Variants in XKR6 observed in about 807,000 individuals in gnomAD.
The protein encoded by XKR6 is XK-related protein 6.
A neutral mutation model predicts 56.7 loss-of-function variants in XKR6; 22 were observed. That is an observed-to-expected ratio of 0.39 (90% confidence interval 0.28 to 0.55). XKR6 has a LOEUF of 0.55. XKR6 is among the 20% of genes least tolerant of loss of function. The pLI is 0.66. For synonymous variants in XKR6, 524 were observed against 387.8 expected, an observed-to-expected ratio of 1.35 and a Z score of -4.13; for missense variants, 852 against 889.0, an observed-to-expected ratio of 0.96 and a Z score of 0.53.
At chr8:11,128,659 T>C (rs1483991547) in intron 1 of XKR6, 2 of 372,582 alleles carry the variant, frequency 5.4e-6, no homozygotes, top group South Asian at 2.0e-5. Flanking sequence ...TTGTAGAGAA[T>C]GATACACAAG....
At chr8:10,952,795 A>T (rs1396333971) in intron 1 of XKR6, among the ~76,000 whole-genome samples, 1 of 151,536 alleles carries the variant, frequency 6.6e-6, no homozygotes, top group Non-Finnish European at 1.5e-5. Context: ...AGGGCTCCCA[A>T]CCCCCGGGCC....
intron 1 of XKR6, chr8:11,114,148 A>G (rs750963106): frequency 1.2e-5 from 5 of 406,106 alleles, no homozygotes; most frequent in Admixed American, 3.5e-5. Flanking sequence ...AATCTCTAAC[A>G]TGACACTAAA....
chr8:11,015,477 C>T (rs1446768986), intron 1 of XKR6, among the ~76,000 whole-genome samples: 2 of 152,068 alleles, frequency 1.3e-5, no homozygotes, highest in Admixed American at 6.5e-5. Context: ...TAGAAACCAC[C>T]CCCCACCCCC....
chr8:10,913,506 TG>T (rs1800469114), intron 2 of XKR6, among the ~76,000 whole-genome samples: 1 of 152,164 alleles, frequency 6.6e-6, no homozygotes, highest in South Asian at 2.1e-4. Context: ...GGAGGCCATA[TG>T]CACCCCCCAG....
At chr8:11,106,895 A>G (rs1228802795) in intron 1 of XKR6, among the ~76,000 whole-genome samples, 1 of 150,312 alleles carries the variant, frequency 6.7e-6, no homozygotes, top group African/African-American at 2.5e-5. Context: ...CAAAATGTTT[A>G]CAGGCAAACC....
At chr8:11,189,286 T>C (rs1803425457) in intron 1 of XKR6, among the ~76,000 whole-genome samples, 1 of 152,218 alleles carries the variant, frequency 6.6e-6, no homozygotes, top group South Asian at 2.1e-4. Flanking sequence ...TGAGCACCAA[T>C]GGGGATCATC....
chr8:11,109,788 A>G (rs1301364402), intron 1 of XKR6: 1 of 152,058 alleles, frequency 6.6e-6, no homozygotes, highest in Non-Finnish European at 1.5e-5. Flanking sequence ...AGTGTAGCAA[A>G]TGCCTGGGCC....
At chr8:10,899,027 G>T in intron 2 of XKR6, 111 bp from the exon 3 acceptor site, 1 of 1,460,302 alleles carries the variant, frequency 6.8e-7, no homozygotes, top group Non-Finnish European at 9.1e-7. Flanking sequence ...TAAAGGAGGA[G>T]GGAGAAAGAA....
At chr8:11,094,729 T>A (rs1480361720) in intron 1 of XKR6, among the ~76,000 whole-genome samples, 1 of 152,132 alleles carries the variant, frequency 6.6e-6, no homozygotes, top group African/African-American at 2.4e-5. Context: ...TGGGGTGGCA[T>A]CAACGTCAGC....
chr8:11,072,728 C>G (rs1224959940), intron 1 of XKR6, among the ~76,000 whole-genome samples: 1 of 152,208 alleles, frequency 6.6e-6, no homozygotes, highest in Non-Finnish European at 1.5e-5. Context: ...AGTGTCTGAA[C>G]TGTGCCTGAG....
intron 1 of XKR6, among the ~76,000 whole-genome samples, chr8:11,039,534 G>A (rs1053940191): frequency 6.6e-6 from 1 of 152,242 alleles, no homozygotes; most frequent in Non-Finnish European, 1.5e-5. Context: ...GGCCTTGACG[G>A]ACCCATGGCT....
At chr8:10,980,090 C>T (rs1797694550) in intron 1 of XKR6, among the ~76,000 whole-genome samples, 1 of 152,214 alleles carries the variant, frequency 6.6e-6, no homozygotes. Flanking sequence ...ATGAGATGCT[C>T]TATGCAGGCC....
intron 1 of XKR6, among the ~76,000 whole-genome samples, chr8:11,101,483 T>C (rs1238398667): frequency 2.1e-5 from 3 of 143,088 alleles, no homozygotes; most frequent in Non-Finnish European, 4.4e-5. Context: ...TTACAAATTA[T>C]GTCATTTTTT....
At chr8:11,045,332 C>T (rs1799383794) in intron 1 of XKR6, among the ~76,000 whole-genome samples, 3 of 152,116 alleles carry the variant, frequency 2.0e-5, no homozygotes, top group Admixed American at 6.5e-5. Flanking sequence ...AAGTGATCTA[C>T]CCATCTTGGC....
rs1799879330 is a variant in XKR6, at chr8:10,896,319, A to G, written c.*1633T>C. On this transcript the variant is annotated 3_prime_UTR_variant, in exon 3 of 3. Transcript: ENST00000416569. Reference sequence around the variant, plus strand: ...ATGAGAAAATAAACAGTGGAATCAAATCCTCACCCAAATGGCATGGCCTCT... The same window carrying G: ...ATGAGAAAATAAACAGTGGAATCAAGTCCTCACCCAAATGGCATGGCCTCT... 1 of 152,568 alleles carries G rather than the reference A, an allele frequency of 6.6e-6. No individual in the cohort carries two copies. The highest frequency in any genetic ancestry group is 2.4e-5 in the African/African-American group (1 of 41,426). 9.5% of individuals were successfully genotyped at this position (152,568 alleles called of 1,614,324 possible).
At chr8:11,110,742 CTCAT>C (rs1402574663) in intron 1 of XKR6, among the ~76,000 whole-genome samples, 1 of 152,180 alleles carries the variant, frequency 6.6e-6, no homozygotes, top group East Asian at 1.9e-4. Context: ...AATACAAATT[CTCAT>C]TCATTCCAAT....
At chr8:11,147,352 G>T (rs938895238) in intron 1 of XKR6, among the ~76,000 whole-genome samples, 8 of 152,064 alleles carry the variant, frequency 5.3e-5, no homozygotes, top group Admixed American at 1.3e-4. Flanking sequence ...AAATCTCAAC[G>T]GACACTTCAC....
intron 1 of XKR6, chr8:11,002,435 G>A (rs1400566298): frequency 7.3e-6 from 3 of 413,028 alleles, no homozygotes; most frequent in African/African-American, 2.1e-5. Flanking sequence ...GCAGTACACA[G>A]TGTTTGCAGT....
intron 1 of XKR6, among the ~76,000 whole-genome samples, chr8:10,973,712 C>G (rs2129134648): frequency 6.6e-6 from 1 of 152,312 alleles, no homozygotes; most frequent in South Asian, 2.1e-4. Context: ...TCCCAAGTAG[C>G]TGGGACTACA....
Sources: allele counts gnomAD v4.1 joint callset (sites outside exome capture counted in the v4.1 genomes callset), GRCh38; gene constraint gnomAD v4.1.1; transcripts MANE v1.5; gene names NCBI Gene and HGNC (gene_info 2026-07-23, HGNC 2026-07-21).